The following GPBP1L1 variants were observed in gnomAD, a reference collection of about 807,000 sequenced individuals.
The protein encoded by GPBP1L1 is vasculin-like protein 1.
In GPBP1L1, 23 loss-of-function variants were observed where a neutral mutation model predicts 52.5. That is an observed-to-expected ratio of 0.44 (90% CI 0.32 to 0.62). The LOEUF is 0.62. Among genes scored for constraint, GPBP1L1 ranks in the 20% least tolerant of loss-of-function variants. The probability of loss-of-function intolerance (pLI) is 0.06; values close to 1 mark genes in which losing one functional copy is unlikely to be tolerated. For missense variants in GPBP1L1, 596 were observed against 579.3 expected (o/e 1.03, Z -0.30); for synonymous variants, 243 against 203.1 (o/e 1.20, Z -1.67).
intron 2 of GPBP1L1, among the ~76,000 whole-genome samples, chr1:45,672,705 C>T (rs1194459943): frequency 6.6e-6 from 1 of 152,078 alleles, no homozygotes; most frequent in Non-Finnish European, 1.5e-5. Flanking sequence ...GAGATGGAAC[C>T]TTGACATACA....
At chr1:45,639,475 T>C (rs1220726245) in intron 8 of GPBP1L1, among the ~76,000 whole-genome samples, 1 of 149,564 alleles carries the variant, frequency 6.7e-6, no homozygotes, top group Non-Finnish European at 1.5e-5. Flanking sequence ...GCCCATAATC[T>C]CAGCGCTCTG....
Position 45,659,031 on chromosome 1 carries a change from A to G in GPBP1L1, c.57T>C (p.Ala19=), listed in dbSNP as rs138412140. The change falls in exon 4 of 13, where the codon GCT becomes GCC. Residue 19 remains alanine, a synonymous_variant. Transcript: ENST00000355105. The part of the protein sequence containing the change: ...AWLNFSTPQS[A]KSPTATFEKH... ...CTACAGGAATGGAGAACAGTACCTT[A>G]GCTGACTGTGGTGTTGAGAAATTTA... is the stretch of plus-strand genomic sequence containing the variant. The G allele has an allele frequency of 4.2e-4, 680 of 1,601,812 alleles. 2 individuals carry two copies. Among genetic ancestry groups the G allele is most frequent in the Non-Finnish European group, 5.1e-4 (601 of 1,168,654 alleles).
intron 4 of GPBP1L1, 150 bp from the exon 5 acceptor site, chr1:45,655,469 C>A (rs983908102): frequency 1.3e-6 from 1 of 768,672 alleles, no homozygotes; most frequent in Non-Finnish European, 2.1e-6. Context: ...AGGGTACCCA[C>A]AGGTGCCTAA....
At chr1:45,644,191 TTTC>T (rs1397674804) in intron 6 of GPBP1L1, among the ~76,000 whole-genome samples, 2 of 152,248 alleles carry the variant, frequency 1.3e-5, no homozygotes, top group East Asian at 3.9e-4. Flanking sequence ...AGTGACAGAT[TTTC>T]AAGGACAGGT....
intron 12 of GPBP1L1, 122 bp downstream of exon 12, chr1:45,629,454 T>TTGCCCCC: frequency 8.7e-6 from 1 of 115,396 alleles, no homozygotes; most frequent in Non-Finnish European, 1.6e-5. Context: ...ACTAAGGTAA[T>TTGCCCCC]CCCCCCCCCC....
At chr1:45,671,041 G>A (rs568185800) in intron 2 of GPBP1L1, among the ~76,000 whole-genome samples, 34 of 151,838 alleles carry the variant, frequency 2.2e-4, no homozygotes, top group Admixed American at 1.8e-3. Context: ...TGATCCGCCC[G>A]CCTCAGCCTC....
intron 2 of GPBP1L1, among the ~76,000 whole-genome samples, chr1:45,664,276 T>C (rs914665682): frequency 4.4e-5 from 6 of 137,514 alleles, no homozygotes; most frequent in South Asian, 2.3e-4. Flanking sequence ...ACCGAGATCG[T>C]TGCCACTGCA....
intron 2 of GPBP1L1, among the ~76,000 whole-genome samples, chr1:45,661,770 T>C (rs572525519): frequency 6.6e-6 from 1 of 152,282 alleles, no homozygotes; most frequent in South Asian, 2.1e-4. Context: ...TGCTTTTTTA[T>C]ATAAAAGCAC....
intron 2 of GPBP1L1, among the ~76,000 whole-genome samples, chr1:45,670,596 T>C (rs1231202563): frequency 6.6e-6 from 1 of 152,164 alleles, no homozygotes; most frequent in African/African-American, 2.4e-5. Context: ...GGAAATGATT[T>C]GTATACGGTA....
At chr1:45,656,779 C>T (rs1291676553) in intron 4 of GPBP1L1, among the ~76,000 whole-genome samples, 1 of 152,026 alleles carries the variant, frequency 6.6e-6, no homozygotes, top group African/African-American at 2.4e-5. Context: ...AATCCTCCTG[C>T]CTTAGCCTCC....
At position 45,658,951 on chromosome 1, in the gene GPBP1L1, T is replaced by A. The variant is rs563394316; in HGVS notation, c.60+77A>T. On this transcript the variant is annotated intron_variant, in intron 4 of 12. Coordinates refer to ENST00000355105, the MANE Select transcript of GPBP1L1 (RefSeq NM_021639.5). ...AGGGAGACCCTGTCTCAAAACAAAA[T>A]GAAACCAAAAAACAACCAAAACCAC... 1.7e-4 allele frequency: 170 copies of A among 983,236 alleles called. No individual in the cohort carries two copies. The Middle Eastern group carries it at 2.3e-3, about 13-fold the overall frequency. The allele number at this position is 983,236 out of a possible 1,614,324, so 60.9% of individuals were successfully genotyped here.
chr1:45,632,308 C>T (rs867519428), intron 10 of GPBP1L1, among the ~76,000 whole-genome samples: 30 of 152,254 alleles, frequency 2.0e-4, no homozygotes, highest in Non-Finnish European at 1.9e-4. Context: ...GAGGCTGAGG[C>T]AGGAGAACTG....
intron 2 of GPBP1L1, among the ~76,000 whole-genome samples, chr1:45,682,987 G>T (rs1569900190): frequency 6.6e-6 from 1 of 151,924 alleles, no homozygotes; most frequent in African/African-American, 2.4e-5. Context: ...CAGCCACTTA[G>T]GGGGTATGTT....
chr1:45,678,956 G>A (rs539340559), intron 2 of GPBP1L1, among the ~76,000 whole-genome samples: 2 of 152,182 alleles, frequency 1.3e-5, no homozygotes, highest in African/African-American at 4.8e-5. Flanking sequence ...AAAATGCACG[G>A]AGTTGTGAAC....
chr1:45,682,189 A>G (rs1645219532), intron 2 of GPBP1L1, among the ~76,000 whole-genome samples: 1 of 152,246 alleles, frequency 6.6e-6, no homozygotes, highest in Non-Finnish European at 1.5e-5. Flanking sequence ...TTAACTAAAC[A>G]GCCCCAAAAC....
chr1:45,630,705 T>C, intron 10 of GPBP1L1, 99 bp from the exon 11 acceptor site: 2 of 1,355,098 alleles, frequency 1.5e-6, no homozygotes, highest in Non-Finnish European at 2.0e-6. Context: ...GGAAGTGTTT[T>C]CCAAAAGACA....
chr1:45,655,058 A>C, intron 5 of GPBP1L1, 132 bp downstream of exon 5: 1 of 1,166,566 alleles, frequency 8.6e-7, no homozygotes, highest in Non-Finnish European at 1.2e-6. Context: ...TTGCGTAATG[A>C]CTACTAGAGA....
chr1:45,673,436 T>C (rs139416566), intron 2 of GPBP1L1, among the ~76,000 whole-genome samples: 76 of 152,274 alleles, frequency 5.0e-4, no homozygotes, highest in African/African-American at 1.8e-3. Context: ...CTCCCTGAAG[T>C]CTCTTGCTCT....
In GPBP1L1 at chr1:45,659,035, G is replaced by A; in HGVS notation, c.53C>T (p.Ser18Leu). Reference protein sequence around the residue: ...PAWLNFSTPQSAKSPTATFEK... With the variant: ...PAWLNFSTPQLAKSPTATFEK... ...AGGAATGGAGAACAGTACCTTAGCT[G>A]ACTGTGGTGTTGAGAAATTTAGCCA... Residue 18 changes from serine to leucine, a missense_variant, in exon 4 of 13, where the codon TCA becomes TTA. Coordinates refer to ENST00000355105, the MANE Select transcript of GPBP1L1 (RefSeq NM_021639.5). 6.2e-7 allele frequency: 1 copy of A among 1,602,914 alleles called. No individual in the cohort carries two copies. Among genetic ancestry groups the A allele is most frequent in the African/African-American group, 1.3e-5 (1 of 74,870 alleles).
Sources: allele counts gnomAD v4.1 joint callset (sites outside exome capture counted in the v4.1 genomes callset), GRCh38; gene constraint gnomAD v4.1.1; transcripts MANE v1.5; gene names NCBI Gene and HGNC (gene_info 2026-07-23, HGNC 2026-07-21).